COL22A1: variants seen among roughly 807,000 people sequenced by gnomAD.
COL22A1 encodes the protein collagen type XXII alpha 1 chain, also known as collagen alpha-1(XXII) chain.
Under a neutral mutation model 248.9 loss-of-function variants are expected in COL22A1, and 221 were observed. The observed-to-expected ratio is 0.89, with a 90% CI of 0.80 to 0.99. The LOEUF is 0.99. Among genes scored for constraint, COL22A1 ranks in the 50% least tolerant of loss-of-function variants. The pLI is 0.00. For missense variants in COL22A1, 2,240 were observed against 2,179.0 expected, an observed-to-expected ratio of 1.03 and a Z score of -0.56; for synonymous variants, 891 against 793.4, an observed-to-expected ratio of 1.12 and a Z score of -2.07.
intron 1 of COL22A1, among the ~76,000 whole-genome samples, chr8:138,889,715 G>A (rs1183760011): frequency 6.6e-6 from 1 of 152,164 alleles, no homozygotes; most frequent in Non-Finnish European, 1.5e-5. Flanking sequence ...GCAAATATTA[G>A]CTGCAACTAC....
At chr8:138,703,468 C>T in intron 30 of COL22A1, 121 bp from the exon 31 acceptor site, 2 of 820,820 alleles carry the variant, frequency 2.4e-6, no homozygotes, top group Non-Finnish European at 4.1e-6. Flanking sequence ...CTGCAGGGTG[C>T]AGGTAGGTGC....
At chr8:138,774,450 G>A (rs1308622290) in intron 16 of COL22A1, among the ~76,000 whole-genome samples, 7 of 133,962 alleles carry the variant, frequency 5.2e-5, no homozygotes, top group Non-Finnish European at 7.7e-5. Context: ...ACGGAGTCTT[G>A]CTCTGTCGCT....
chr8:138,620,133 A>G (rs1024437662), intron 52 of COL22A1: 3 of 152,772 alleles, frequency 2.0e-5, no homozygotes, highest in African/African-American at 7.2e-5. Context: ...CCCTGCACAG[A>G]ACCAAACCAG....
At chr8:138,621,118 G>A (rs1819767365) in intron 52 of COL22A1, among the ~76,000 whole-genome samples, 2 of 152,224 alleles carry the variant, frequency 1.3e-5, no homozygotes, top group South Asian at 2.1e-4. Context: ...GGGCCACCTA[G>A]TACCTGTAGC....
At chr8:138,755,413 A>G in intron 20 of COL22A1, 69 bp downstream of exon 20, 2 of 1,522,474 alleles carry the variant, frequency 1.3e-6, no homozygotes, top group East Asian at 4.5e-5. Flanking sequence ...GCCTGAGATC[A>G]TGGTTGTGGC....
At chr8:138,813,129 G>T in intron 7 of COL22A1, 110 bp from the exon 8 acceptor site, 1 of 797,676 alleles carries the variant, frequency 1.3e-6, no homozygotes, top group Non-Finnish European at 2.2e-6. Context: ...TTCCTCTTTG[G>T]GGTCTTCCTG....
At chr8:138,768,181 A>G (rs1189751533) in intron 16 of COL22A1, among the ~76,000 whole-genome samples, 2 of 152,116 alleles carry the variant, frequency 1.3e-5, no homozygotes, top group Non-Finnish European at 2.9e-5. Context: ...ATTTCTGGAC[A>G]TCCTTCCTTT....
At chr8:138,738,166 A>T (rs941503045) in intron 22 of COL22A1, among the ~76,000 whole-genome samples, 2 of 152,134 alleles carry the variant, frequency 1.3e-5, no homozygotes, top group African/African-American at 4.8e-5. Flanking sequence ...ATGAGGCATG[A>T]TGCATTGAAA....
intron 41 of COL22A1, among the ~76,000 whole-genome samples, chr8:138,670,960 CAAAAAAAAAA>C (rs60845059): frequency 3.6e-5 from 2 of 55,380 alleles, no homozygotes; most frequent in South Asian, 1.5e-3. Context: ...GACCTTGTCT[CAAAAAAAAAA>C]AAAAAAAAAA....
At chr8:138,762,343 G>T (rs1393003946) in intron 17 of COL22A1, 70 bp downstream of exon 17, 13 of 1,481,304 alleles carry the variant, frequency 8.8e-6, no homozygotes, top group Non-Finnish European at 1.2e-5. Context: ...GGAGCTTTAT[G>T]TGGGGTCTGG....
intron 23 of COL22A1, among the ~76,000 whole-genome samples, chr8:138,727,964 C>T (rs946017992): frequency 6.6e-6 from 1 of 152,186 alleles, no homozygotes; most frequent in Non-Finnish European, 1.5e-5. Flanking sequence ...CTCAGCAAAG[C>T]AAGAGCCCTG....
intron 16 of COL22A1, among the ~76,000 whole-genome samples, chr8:138,766,975 C>T (rs534402648): frequency 5.0e-4 from 76 of 152,296 alleles, no homozygotes; most frequent in African/African-American, 1.7e-3. Flanking sequence ...AGTGAGACCC[C>T]GGGCTCCGGG....
chr8:138,730,422 C>A (rs902184372), intron 23 of COL22A1, among the ~76,000 whole-genome samples: 3 of 152,134 alleles, frequency 2.0e-5, no homozygotes, highest in Admixed American at 1.3e-4. Flanking sequence ...GCTGTGTTCT[C>A]TCTGGGGTCT....
At chr8:138,764,002 T>C (rs551704243) in intron 16 of COL22A1, among the ~76,000 whole-genome samples, 2 of 152,336 alleles carry the variant, frequency 1.3e-5, no homozygotes, top group African/African-American at 4.8e-5. Flanking sequence ...ACTGGAAGAT[T>C]ATATATACAA....
intron 1 of COL22A1, among the ~76,000 whole-genome samples, chr8:138,886,670 AT>A (rs1196856051): frequency 6.6e-6 from 1 of 152,244 alleles, no homozygotes; most frequent in Non-Finnish European, 1.5e-5. Flanking sequence ...AGAAAAGAGT[AT>A]TAAGAGCCTG....
chr8:138,728,475 G>A (rs780192676), intron 23 of COL22A1, among the ~76,000 whole-genome samples: 3 of 152,174 alleles, frequency 2.0e-5, no homozygotes, highest in South Asian at 2.1e-4. Flanking sequence ...TAAGGATGCC[G>A]ATGACCTCTG....
chr8:138,818,725 C>T (rs1319287241), intron 7 of COL22A1, among the ~76,000 whole-genome samples: 6 of 152,208 alleles, frequency 3.9e-5, no homozygotes, highest in East Asian at 3.8e-4. Flanking sequence ...TAGTGCAATG[C>T]GTGGCACAGA....
intron 39 of COL22A1, among the ~76,000 whole-genome samples, chr8:138,680,002 G>T (rs1825838620): frequency 6.6e-6 from 1 of 152,168 alleles, no homozygotes; most frequent in South Asian, 2.1e-4. Flanking sequence ...ACTAGGTGTG[G>T]CTCCGTTTGT....
chr8:138,623,920 A>T, intron 51 of COL22A1, 135 bp from the exon 52 acceptor site: 1 of 676,268 alleles, frequency 1.5e-6, no homozygotes, highest in Non-Finnish European at 2.5e-6. Context: ...GCAGTGTCTC[A>T]ACGGACAGAA....
Sources: gnomAD v4.1 joint callset for allele counts (sites outside exome capture counted in the v4.1 genomes callset) on GRCh38, gnomAD v4.1.1 for gene constraint, MANE v1.5 for transcripts, NCBI Gene and HGNC (gene_info 2026-07-23, HGNC 2026-07-21) for gene names.